Variants in FAM222B observed in about 807,000 individuals in gnomAD.
FAM222B encodes the protein protein FAM222B.
Under a neutral mutation model 38.0 loss-of-function variants are expected in FAM222B, and 12 were observed. That is an observed-to-expected ratio of 0.32 (90% CI 0.20 to 0.51). FAM222B has a LOEUF of 0.51. FAM222B is among the 20% of genes least tolerant of loss of function. FAM222B has a pLI of 0.97. For synonymous variants in FAM222B, 329 were observed against 317.2 expected (o/e 1.04, Z -0.40); for missense variants, 716 against 754.2 (o/e 0.95, Z 0.59).
chr17:28,799,531 G>A (rs994649364), intron 1 of FAM222B, among the ~76,000 whole-genome samples: 23 of 150,956 alleles, frequency 1.5e-4, no homozygotes, highest in African/African-American at 5.4e-4. Context: ...GGATGGTCTC[G>A]ATCTCCTGAC....
intron 1 of FAM222B, among the ~76,000 whole-genome samples, chr17:28,822,136 C>G (rs2038247254): frequency 6.7e-6 from 1 of 150,258 alleles, no homozygotes; most frequent in Admixed American, 6.6e-5. Flanking sequence ...ATTCTCCTGC[C>G]TCAGTCTCCC....
chr17:28,827,066 A>G (rs1239560317), intron 1 of FAM222B, among the ~76,000 whole-genome samples: 6 of 151,944 alleles, frequency 3.9e-5, no homozygotes, highest in Admixed American at 6.6e-5. Flanking sequence ...AGGATCATTT[A>G]GGCCCAGGAG....
chr17:28,785,899 G>A (rs1299152825), intron 1 of FAM222B, among the ~76,000 whole-genome samples: 3 of 152,174 alleles, frequency 2.0e-5, no homozygotes, highest in South Asian at 4.1e-4. Flanking sequence ...TAGTAGAGAC[G>A]GGGTTTCACC....
chr17:28,804,967 A>G (rs2037411720), intron 1 of FAM222B, among the ~76,000 whole-genome samples: 1 of 151,648 alleles, frequency 6.6e-6, no homozygotes, highest in East Asian at 2.0e-4. Flanking sequence ...AATGGCGTGA[A>G]CCCCATTGGC....
chr17:28,828,560 T>C (rs1598033051), intron 1 of FAM222B, among the ~76,000 whole-genome samples: 1 of 146,114 alleles, frequency 6.8e-6, no homozygotes, highest in African/African-American at 2.5e-5. Flanking sequence ...CAGAGAAGAC[T>C]CTGTCACGAA....
chr17:28,763,246 T>A (rs1163974857), intron 2 of FAM222B, among the ~76,000 whole-genome samples: 1 of 152,230 alleles, frequency 6.6e-6, no homozygotes, highest in Non-Finnish European at 1.5e-5. Context: ...TCTGCTCTCC[T>A]ACTTCACAGA....
Position 28,782,701 on chromosome 17 carries a change from T to C in FAM222B, c.-40-15994A>G, listed in dbSNP as rs146410398. ...ATCATCAAATGCATTACAGCATTTG[T>C]GGGGATAAATTCTCATTCTTGCTGG... is the stretch of plus-strand genomic sequence containing the variant. On this transcript the variant is annotated intron_variant, in intron 1 of 2. Transcript: ENST00000581407. Among the ~76,000 whole-genome samples the C allele has an allele frequency of 1.5e-3, 229 of 152,260 alleles. 1 individual carries two copies. Among genetic ancestry groups the C allele is most frequent in the African/African-American group, 5.4e-3 (224 of 41,560 alleles).
intron 1 of FAM222B, among the ~76,000 whole-genome samples, chr17:28,806,359 T>C (rs539355050): frequency 3.9e-4 from 59 of 152,332 alleles, no homozygotes; most frequent in Middle Eastern, 6.8e-3. Flanking sequence ...AGATGCCCTC[T>C]GCCCTTTTCA....
chr17:28,852,356 C>CA (rs528264888), intron 1 of FAM222B, among the ~76,000 whole-genome samples: 4 of 148,352 alleles, frequency 2.7e-5, no homozygotes, highest in African/African-American at 7.4e-5. Context: ...ACTCTGTCTC[C>CA]AAAAAAAAAT....
At chr17:28,825,190 T>C (rs1001890673) in intron 1 of FAM222B, among the ~76,000 whole-genome samples, 10 of 151,684 alleles carry the variant, frequency 6.6e-5, no homozygotes, top group Admixed American at 2.0e-4. Context: ...CCCAGCACTT[T>C]GGGAGGCCAA....
intron 1 of FAM222B, among the ~76,000 whole-genome samples, chr17:28,772,698 C>T (rs887025380): frequency 2.0e-5 from 3 of 151,932 alleles, no homozygotes; most frequent in Non-Finnish European, 4.4e-5. Context: ...AGTTCGAGAC[C>T]AGCCTGGCCA....
intron 1 of FAM222B, among the ~76,000 whole-genome samples, chr17:28,820,447 G>C (rs1046309036): frequency 6.6e-6 from 1 of 152,102 alleles, no homozygotes; most frequent in Non-Finnish European, 1.5e-5. Flanking sequence ...TGTCTTTAAG[G>C]TGTTACCTAT....
chr17:28,804,103 A>G (rs2037364302), intron 1 of FAM222B, among the ~76,000 whole-genome samples: 2 of 152,166 alleles, frequency 1.3e-5, no homozygotes, highest in African/African-American at 4.8e-5. Context: ...TTAAGTAACA[A>G]AGGTCAGGTC....
chr17:28,830,990 C>CTTTTT (rs56073818), intron 1 of FAM222B, among the ~76,000 whole-genome samples: 14 of 117,796 alleles, frequency 1.2e-4, no homozygotes, highest in African/African-American at 1.9e-4. Flanking sequence ...GTGAATGTTT[C>CTTTTT]TTTTTTTTTT....
In FAM222B at chr17:28,756,737, TTC is replaced by T. The variant is rs891364353; in HGVS notation, c.*1531_*1532del. The T allele has an allele frequency of 3.3e-5, 5 of 152,714 alleles. No individual in the cohort carries two copies. Among genetic ancestry groups the T allele is most frequent in the Non-Finnish European group, 5.9e-5 (4 of 68,022 alleles). 9.5% of individuals were successfully genotyped at this position (152,714 alleles called of 1,614,324 possible). A position where few individuals can be genotyped will look rare whatever the true frequency, so the allele number is the denominator to read the frequency against. On this transcript the variant is annotated 3_prime_UTR_variant, in exon 3 of 3. Coordinates refer to ENST00000581407, the MANE Select transcript of FAM222B (RefSeq NM_001077498.3). Reference sequence around the variant, plus strand: ...ATAACACAATCAGGCTTTTTTTTTTTTCTTTTTCCTTTTAAATATAAGGCAAC... The same window carrying T: ...ATAACACAATCAGGCTTTTTTTTTTTTTTTTCCTTTTAAATATAAGGCAAC...
intron 1 of FAM222B, among the ~76,000 whole-genome samples, chr17:28,800,853 G>GAAA (rs534314851): frequency 1.8e-4 from 20 of 111,038 alleles, no homozygotes; most frequent in African/African-American, 2.5e-4. Context: ...ACATTTTGTT[G>GAAA]AAAAAAAAAA....
chr17:28,760,971 G>A (rs755100635), intron 2 of FAM222B, among the ~76,000 whole-genome samples: 6 of 152,192 alleles, frequency 3.9e-5, no homozygotes, highest in Non-Finnish European at 7.3e-5. Context: ...ATAATGACAG[G>A]GCAGCAGGGA....
At chr17:28,768,898 A>G (rs1177280104) in intron 1 of FAM222B, among the ~76,000 whole-genome samples, 1 of 151,556 alleles carries the variant, frequency 6.6e-6, no homozygotes. Context: ...TGATCTTTAC[A>G]TAATAACTTC....
At chr17:28,792,155 C>CA (rs1304102898) in intron 1 of FAM222B, among the ~76,000 whole-genome samples, 3 of 151,192 alleles carry the variant, frequency 2.0e-5, no homozygotes, top group Middle Eastern at 3.4e-3. Context: ...ACTAAAAATA[C>CA]AAAAAAATTA....
Sources: gnomAD v4.1 joint callset for allele counts (sites outside exome capture counted in the v4.1 genomes callset) on GRCh38, gnomAD v4.1.1 for gene constraint, MANE v1.5 for transcripts, NCBI Gene and HGNC (gene_info 2026-07-23, HGNC 2026-07-21) for gene names.